The following RASGRP3 variants were observed in gnomAD, a reference collection of about 807,000 sequenced individuals.
RASGRP3 encodes ras guanyl-releasing protein 3.
Under a neutral mutation model 82.7 loss-of-function variants are expected in RASGRP3, and 54 were observed. The ratio of observed to expected loss-of-function variants is 0.65; its 90% CI spans 0.52 to 0.82. RASGRP3 has a LOEUF of 0.82. RASGRP3 is among the 40% of genes least tolerant of loss of function. The probability of loss-of-function intolerance (pLI) is 0.00; values close to 1 mark genes in which losing one functional copy is unlikely to be tolerated. For synonymous variants in RASGRP3, 309 were observed against 300.5 expected, an observed-to-expected ratio of 1.03 and a Z score of -0.29; for missense variants, 861 against 828.9, an observed-to-expected ratio of 1.04 and a Z score of -0.48.
At chr2:33,507,359 C>T (rs1481407927) in intron 1 of RASGRP3, among the ~76,000 whole-genome samples, 1 of 152,240 alleles carries the variant, frequency 6.6e-6, no homozygotes, top group South Asian at 2.1e-4. Flanking sequence ...CACACCACTG[C>T]ACTCCAGCCT....
In RASGRP3 at chr2:33,562,797, ACT is replaced by A. The variant is rs1256293306; in HGVS notation, c.*63_*64del. On this transcript the variant is annotated 3_prime_UTR_variant, in exon 18 of 18. Coordinates refer to ENST00000403687, the MANE Select transcript of RASGRP3 (RefSeq NM_001139488.2). ...GCTTTTGGAAGGGGCAAGACGAGAA[ACT>A]CTGAAGAAAGCTCTGACTCTCAGGA... The A allele has an allele frequency of 5.1e-6, 8 of 1,580,318 alleles. No individual in the cohort carries two copies. In the African/African-American group the frequency reaches 1.1e-4, roughly 21 times the overall value.
At chr2:33,455,023 G>T (rs537760158) in intron 2 of RASGRP3, among the ~76,000 whole-genome samples, 1 of 152,238 alleles carries the variant, frequency 6.6e-6, no homozygotes, top group African/African-American at 2.4e-5. Flanking sequence ...AGGTAGGGGG[G>T]GCATAAGGGG....
intron 4 of RASGRP3, among the ~76,000 whole-genome samples, chr2:33,517,873 C>T (rs1204510292): frequency 6.6e-6 from 1 of 152,186 alleles, no homozygotes; most frequent in East Asian, 1.9e-4. Context: ...AAGTTGAAGA[C>T]TGCCTGTGAA....
chr2:33,467,196 A>G (rs1240045308), intron 2 of RASGRP3, among the ~76,000 whole-genome samples: 2 of 152,156 alleles, frequency 1.3e-5, no homozygotes, highest in Admixed American at 6.5e-5. Context: ...CCTAAAGGCA[A>G]TGCACATTGA....
At chr2:33,466,756 AACAG>A (rs1197172789) in intron 2 of RASGRP3, among the ~76,000 whole-genome samples, 1 of 152,058 alleles carries the variant, frequency 6.6e-6, no homozygotes, top group Non-Finnish European at 1.5e-5. Context: ...TTGCACACTT[AACAG>A]ACTACAGTAT....
chr2:33,438,199 A>G (rs896588435), intron 1 of RASGRP3, among the ~76,000 whole-genome samples: 1 of 152,254 alleles, frequency 6.6e-6, no homozygotes, highest in East Asian at 1.9e-4. Context: ...TATTATTTCA[A>G]GAATATATTT....
chr2:33,531,360 C>A (rs1251658853), intron 10 of RASGRP3, among the ~76,000 whole-genome samples: 1 of 152,206 alleles, frequency 6.6e-6, no homozygotes, highest in African/African-American at 2.4e-5. Context: ...GAAAGTAGAA[C>A]AGATCACCCT....
At chr2:33,442,837 C>T (rs537676430) in intron 1 of RASGRP3, among the ~76,000 whole-genome samples, 4 of 151,762 alleles carry the variant, frequency 2.6e-5, no homozygotes, top group South Asian at 2.1e-4. Flanking sequence ...GATTTCAGAA[C>T]ATTACAAAGA....
At chr2:33,545,827 C>G (rs1263668228) in intron 13 of RASGRP3, among the ~76,000 whole-genome samples, 3 of 152,016 alleles carry the variant, frequency 2.0e-5, no homozygotes, top group Non-Finnish European at 4.4e-5. Context: ...TTCTTTGAGA[C>G]AGAGTCTCGT....
chr2:33,477,717 A>C (rs1463120772), intron 1 of RASGRP3, among the ~76,000 whole-genome samples: 1 of 152,188 alleles, frequency 6.6e-6, no homozygotes, highest in African/African-American at 2.4e-5. Context: ...GAGGAAAGGC[A>C]AAAGGGGAAA....
intron 1 of RASGRP3, among the ~76,000 whole-genome samples, chr2:33,479,596 G>A (rs1382980579): frequency 6.6e-6 from 1 of 152,136 alleles, no homozygotes; most frequent in Non-Finnish European, 1.5e-5. Context: ...CACGGGGCAG[G>A]GGACTAGCTG....
intron 15 of RASGRP3, 82 bp downstream of exon 15, chr2:33,555,649 G>A (rs1675868405): frequency 8.2e-7 from 1 of 1,214,518 alleles, no homozygotes; most frequent in Non-Finnish European, 1.2e-6. Context: ...AACTACAAAA[G>A]CTCTTGCCAT....
intron 1 of RASGRP3, among the ~76,000 whole-genome samples, chr2:33,440,848 A>G (rs2150871727): frequency 6.6e-6 from 1 of 152,270 alleles, no homozygotes; most frequent in East Asian, 1.9e-4. Context: ...ATACAATTTT[A>G]TTAAATTTCA....
intron 2 of RASGRP3, among the ~76,000 whole-genome samples, chr2:33,514,183 A>G (rs533458326): frequency 6.6e-6 from 1 of 152,282 alleles, no homozygotes; most frequent in African/African-American, 2.4e-5. Context: ...TAACAGTAGT[A>G]TTTTTACCAC....
Position 33,466,504 on chromosome 2 carries a change from C to T in RASGRP3, c.-261+18561C>T, listed in dbSNP as rs575407111. Among the ~76,000 whole-genome samples the T allele has an allele frequency of 1.6e-4, 25 of 152,138 alleles. No individual in the cohort carries two copies. The South Asian group carries it at 5.2e-3, about 32-fold the overall frequency. On this transcript the variant is annotated intron_variant, in intron 2 of 18. Coordinates refer to the RASGRP3 transcript ENST00000402538. ...GACCAGCCTGACCAACATGGTGAAA[C>T]CCTGTCTCTACTAAAAATACAAAAA...
chr2:33,441,685 A>G (rs1665234131), intron 1 of RASGRP3, among the ~76,000 whole-genome samples: 2 of 152,256 alleles, frequency 1.3e-5, no homozygotes, highest in South Asian at 4.1e-4. Flanking sequence ...AGGCAGGCAC[A>G]TATGTTTGGC....
intron 16 of RASGRP3, 113 bp downstream of exon 16, chr2:33,558,449 CCTT>C: frequency 1.3e-6 from 2 of 1,502,410 alleles, no homozygotes; most frequent in Non-Finnish European, 1.8e-6. Flanking sequence ...AACGCTAAGG[CCTT>C]CTTTAGGGTG....
upstream of RASGRP3, among the ~76,000 whole-genome samples, chr2:33,474,206 G>A (rs1432855527): frequency 6.6e-6 from 1 of 152,132 alleles, no homozygotes; most frequent in East Asian, 1.9e-4. Context: ...CAAATCTCAT[G>A]TTGAGATGTA....
intron 1 of RASGRP3, among the ~76,000 whole-genome samples, chr2:33,477,837 C>T (rs1484578627): frequency 2.6e-5 from 4 of 152,124 alleles, no homozygotes; most frequent in Admixed American, 2.0e-4. Context: ...CTGGAGATCG[C>T]GTGGATCTTG....
Sources: allele counts gnomAD v4.1 joint callset (sites outside exome capture counted in the v4.1 genomes callset), GRCh38; gene constraint gnomAD v4.1.1; transcripts MANE v1.5; gene names NCBI Gene and HGNC (gene_info 2026-07-23, HGNC 2026-07-21).